The following TBC1D5 variants were observed in gnomAD, a reference collection of about 807,000 sequenced individuals.
The protein encoded by TBC1D5 is TBC1 domain family member 5, also known as TBC1 domain family, member 5.
A neutral mutation model predicts 100.3 loss-of-function variants in TBC1D5; 75 were observed. The observed-to-expected ratio is 0.75, with a 90% CI of 0.62 to 0.91. The LOEUF (loss-of-function observed/expected upper bound fraction) is 0.91, where lower values mean the gene tolerates loss of function less well. TBC1D5 is among the 40% of genes least tolerant of loss of function. TBC1D5 has a pLI of 0.00. For missense variants in TBC1D5, 910 were observed against 942.4 expected (o/e 0.97, Z 0.45); for synonymous variants, 323 against 325.6 (o/e 0.99, Z 0.09).
At chr3:17,715,519 T>C (rs941582020) in intron 1 of TBC1D5, among the ~76,000 whole-genome samples, 1 of 152,274 alleles carries the variant, frequency 6.6e-6, no homozygotes, top group Admixed American at 6.5e-5. Context: ...AAGTGGGACA[T>C]GGAGGCCAGG....
chr3:17,406,971 G>C (rs975094337), intron 4 of TBC1D5, among the ~76,000 whole-genome samples: 1 of 152,038 alleles, frequency 6.6e-6, no homozygotes, highest in Admixed American at 6.6e-5. Flanking sequence ...TGTCAGGCTG[G>C]ACAGTAAAGT....
chr3:17,354,328 T>C (rs949828907), intron 13 of TBC1D5, among the ~76,000 whole-genome samples: 4 of 152,170 alleles, frequency 2.6e-5, no homozygotes, highest in East Asian at 1.9e-4. Flanking sequence ...CTCCTTCTGA[T>C]AGACTTTATC....
At chr3:17,497,881 A>G (rs1384192231) in intron 3 of TBC1D5, among the ~76,000 whole-genome samples, 1 of 152,094 alleles carries the variant, frequency 6.6e-6, no homozygotes, top group Non-Finnish European at 1.5e-5. Flanking sequence ...AAGCTAGTTG[A>G]GCTTTTTTTT....
At chr3:17,577,166 T>C (rs558309091) in intron 2 of TBC1D5, among the ~76,000 whole-genome samples, 1 of 152,070 alleles carries the variant, frequency 6.6e-6, no homozygotes, top group East Asian at 1.9e-4. Context: ...ATCACAGACA[T>C]TGAAGGCAGT....
intron 3 of TBC1D5, among the ~76,000 whole-genome samples, chr3:17,493,804 C>T (rs1020637594): frequency 1.3e-5 from 2 of 152,286 alleles, no homozygotes; most frequent in East Asian, 1.9e-4. Flanking sequence ...TCTAAACTGG[C>T]TATTTTGGTT....
At chr3:17,659,772 T>G (rs1003806306) in intron 1 of TBC1D5, among the ~76,000 whole-genome samples, 5 of 152,168 alleles carry the variant, frequency 3.3e-5, no homozygotes, top group African/African-American at 1.2e-4. Flanking sequence ...CATACCAGTA[T>G]TTTTAGTCCT....
At chr3:17,468,166 A>G (rs1176351737) in intron 3 of TBC1D5, among the ~76,000 whole-genome samples, 1 of 152,260 alleles carries the variant, frequency 6.6e-6, no homozygotes, top group Admixed American at 6.5e-5. Context: ...TAGTGTACAG[A>G]CATTTAGGAA....
chr3:17,647,436 A>G (rs2065113056), intron 1 of TBC1D5, among the ~76,000 whole-genome samples: 1 of 152,126 alleles, frequency 6.6e-6, no homozygotes. Context: ...TAGGGAAAGG[A>G]GCAAGGTTAT....
chr3:17,418,101 C>T (rs1186639793), intron 4 of TBC1D5, among the ~76,000 whole-genome samples: 1 of 152,044 alleles, frequency 6.6e-6, no homozygotes, highest in Non-Finnish European at 1.5e-5. Context: ...AAATTGTATC[C>T]GTATGTTCAG....
Position 17,495,151 on chromosome 3 carries a change from G to A in TBC1D5, c.97+13323C>T, listed in dbSNP as rs2095690729. On this transcript the variant is annotated intron_variant, in intron 3 of 21. Coordinates refer to ENST00000253692, the Ensembl canonical transcript of TBC1D5. ...ACCTCTGTTGAAGATTCAGGATTTA[G>A]CCGCCACTTTTGTTTTCCTCCACAG... Among the ~76,000 whole-genome samples the A allele has an allele frequency of 2.0e-5, 3 of 152,176 alleles. No individual in the cohort carries two copies. In the South Asian group the frequency reaches 6.2e-4, roughly 31 times the overall value.
intron 14 of TBC1D5, among the ~76,000 whole-genome samples, chr3:17,300,421 A>C (rs1261768485): frequency 6.6e-6 from 1 of 152,248 alleles, no homozygotes; most frequent in Non-Finnish European, 1.5e-5. Flanking sequence ...ATGACATTGA[A>C]CATGCTGTTA....
At chr3:17,336,777 A>G (rs1005049904) in intron 13 of TBC1D5, among the ~76,000 whole-genome samples, 3 of 152,158 alleles carry the variant, frequency 2.0e-5, no homozygotes, top group Non-Finnish European at 4.4e-5. Context: ...ATTTTAGTAA[A>G]GAAGAAAGCG....
chr3:17,444,391 T>C (rs9883518), intron 3 of TBC1D5, among the ~76,000 whole-genome samples: 60,255 of 151,874 alleles, frequency 0.4, 12,624 homozygotes, highest in Middle Eastern at 0.47. Flanking sequence ...TATTATTTCA[T>C]TGTATTATAT....
intron 13 of TBC1D5, among the ~76,000 whole-genome samples, chr3:17,358,614 CTTT>C (rs938551869): frequency 1.9e-4 from 29 of 152,254 alleles, no homozygotes; most frequent in African/African-American, 6.3e-4. Context: ...ACAACTCATT[CTTT>C]TTTATCTCAG....
chr3:17,317,316 C>T (rs1043442884), intron 13 of TBC1D5, among the ~76,000 whole-genome samples: 1 of 152,100 alleles, frequency 6.6e-6, no homozygotes, highest in Admixed American at 6.5e-5. Context: ...AATGTATCTG[C>T]ATGGGGCCCA....
intron 8 of TBC1D5, among the ~76,000 whole-genome samples, chr3:17,399,094 T>C (rs997512907): frequency 6.6e-6 from 1 of 151,886 alleles, no homozygotes; most frequent in Non-Finnish European, 1.5e-5. Context: ...TTCCAAAACA[T>C]TGAAAATGGA....
chr3:17,370,259 A>T (rs768850608), intron 13 of TBC1D5, among the ~76,000 whole-genome samples: 5 of 152,204 alleles, frequency 3.3e-5, no homozygotes, highest in African/African-American at 7.2e-5. Context: ...CATTTCAAAG[A>T]AATGATAAAC....
chr3:17,342,332 C>T (rs1404221436), intron 13 of TBC1D5, among the ~76,000 whole-genome samples: 1 of 152,160 alleles, frequency 6.6e-6, no homozygotes, highest in Non-Finnish European at 1.5e-5. Flanking sequence ...GAACCACTTC[C>T]TGATTATCAA....
chr3:17,730,911 T>A (rs1392475346), intron 1 of TBC1D5, among the ~76,000 whole-genome samples: 1 of 151,980 alleles, frequency 6.6e-6, no homozygotes, highest in African/African-American at 2.4e-5. Flanking sequence ...TAATTATAAT[T>A]CACAATAAAT....
Sources: gnomAD v4.1 joint callset for allele counts (sites outside exome capture counted in the v4.1 genomes callset) on GRCh38, gnomAD v4.1.1 for gene constraint, MANE v1.5 for transcripts, NCBI Gene and HGNC (gene_info 2026-07-23, HGNC 2026-07-21) for gene names.